C4orf50: variants seen among roughly 807,000 people sequenced by gnomAD.
The protein encoded by C4orf50 is chromosome 4 open reading frame 50.
Under a neutral mutation model 77.2 loss-of-function variants are expected in C4orf50, and 80 were observed. That is an observed-to-expected ratio of 1.04 (90% CI 0.87 to 1.25). The LOEUF is 1.25. C4orf50 is among the 50% of genes most tolerant of loss of function. The pLI is 0.00. For missense variants in C4orf50, 1,257 were observed against 1,152.9 expected (o/e 1.09, Z -1.31); for synonymous variants, 532 against 465.3 (o/e 1.14, Z -1.84).
chr4:5,947,805 C>T (rs1560557288), intron 7 of C4orf50, among the ~76,000 whole-genome samples: 2 of 152,202 alleles, frequency 1.3e-5, no homozygotes, highest in Non-Finnish European at 2.9e-5. Flanking sequence ...CTGGGAGCCC[C>T]TGATAAAATC....
At chr4:5,928,744 C>A (rs576612092) in intron 7 of C4orf50, among the ~76,000 whole-genome samples, 1 of 152,210 alleles carries the variant, frequency 6.6e-6, no homozygotes, top group Admixed American at 6.5e-5. Flanking sequence ...AACAGGGGAA[C>A]CTCCAAATGA....
intron 7 of C4orf50, among the ~76,000 whole-genome samples, chr4:5,942,194 A>G (rs1718296492): frequency 6.6e-6 from 1 of 152,110 alleles, no homozygotes; most frequent in Non-Finnish European, 1.5e-5. Context: ...TACATACACA[A>G]CCCCAGGTAG....
Position 5,970,148 on chromosome 4 carries a change from GAA to G in C4orf50, c.4105-2688_4105-2687del, listed in dbSNP as rs35111334. Reference sequence around the variant, plus strand: ...CAGCGTAGGTCCAGGCAAAACACAGGAAAAAAAAAAAAAGGCCCACTGGGGCT... The same window carrying G: ...CAGCGTAGGTCCAGGCAAAACACAGGAAAAAAAAAAAGGCCCACTGGGGCT... On this transcript the variant is annotated intron_variant, in intron 31 of 33. Coordinates refer to ENST00000531445, the Ensembl canonical transcript of C4orf50. This position sits in a 1 kb window ranked among gnomAD's most constrained non-coding sequence, Gnocchi z 4.3. Among the ~76,000 whole-genome samples, 49 of 143,862 alleles carry G rather than the reference GAA, an allele frequency of 3.4e-4. No homozygotes were observed. The highest frequency in any genetic ancestry group is 3.5e-3 in the Middle Eastern group (1 of 282). The allele number at this position is 143,862 out of a possible 152,430, so 94.4% of individuals were successfully genotyped here. A position where few individuals can be genotyped will look rare whatever the true frequency, so the allele number is the denominator to read the frequency against.
intron 7 of C4orf50, among the ~76,000 whole-genome samples, chr4:5,917,219 C>T (rs1717065851): frequency 6.6e-6 from 1 of 152,166 alleles, no homozygotes; most frequent in South Asian, 2.1e-4. Context: ...TGAGCTCATT[C>T]ACACAGCCCT....
rs73795137 is a variant in C4orf50, at chr4:5,990,210, G to T, written c.1836C>A (p.Ala612=). 10,935 of 1,244,522 alleles carry T rather than the reference G, an allele frequency of 8.8e-3. 49 individuals carry two copies. Among genetic ancestry groups the T allele is most frequent in the Middle Eastern group, 0.017 (54 of 3,224 alleles). 77.1% of individuals were successfully genotyped at this position (1,244,522 alleles called of 1,614,324 possible). Reference sequence around the variant, plus strand: ...GCCAGGACCCAGGGCGGCAGGTGGCGGCCTTAGTCTCTGAAGCCCCATTCT... The same window carrying T: ...GCCAGGACCCAGGGCGGCAGGTGGCTGCCTTAGTCTCTGAAGCCCCATTCT... The change falls in exon 28 of 34, where the codon GCC becomes GCA. Residue 612 remains alanine, a synonymous_variant. Transcript: ENST00000531445.
chr4:6,007,401 C>A lies in C4orf50; in HGVS notation c.963+595G>T, dbSNP rs1381983058. ...TAATTAGTACCCCAGAAGGCTCCCT[C>A]TCCCTCCTGCCCTGTGAGGACCTAG... is the stretch of plus-strand genomic sequence containing the variant. On this transcript the variant is annotated intron_variant, in intron 25 of 33. Coordinates refer to ENST00000531445, the Ensembl canonical transcript of C4orf50. The surrounding 1 kb of genome is among the most constrained non-coding windows in gnomAD (Gnocchi z 4.1). 2.0e-5 allele frequency among the ~76,000 whole-genome samples: 3 copies of A among 152,134 alleles called. No individual in the cohort carries two copies. Among genetic ancestry groups the A allele is most frequent in the African/African-American group, 7.2e-5 (3 of 41,414 alleles).
intron 31 of C4orf50, among the ~76,000 whole-genome samples, chr4:5,969,085 T>C (rs550929835): frequency 6.6e-6 from 1 of 152,180 alleles, no homozygotes; most frequent in African/African-American, 2.4e-5. Context: ...ACGGTACCAA[T>C]ATGTTCTTTG....
At chr4:5,986,214 G>A (rs969048829) in intron 28 of C4orf50, among the ~76,000 whole-genome samples, 13 of 152,090 alleles carry the variant, frequency 8.5e-5, no homozygotes, top group Non-Finnish European at 1.8e-4. Context: ...AAGGGTATGT[G>A]GGATATACTG....
Position 6,011,997 on chromosome 4 carries a change from G to T in C4orf50, c.288-29C>A. 2.5e-6 allele frequency: 1 copy of T among 399,008 alleles called. No homozygotes were observed. Among genetic ancestry groups the T allele is most frequent in the Non-Finnish European group, 4.4e-6 (1 of 226,070 alleles). The allele number at this position is 399,008 out of a possible 1,614,324, so 24.7% of individuals were successfully genotyped here. ...CAGCATGAAAAGCAGGGAGGCACTT[G>T]CTCAGGGTGCAGTCAACATGGCCTA... On this transcript the variant is annotated intron_variant, in intron 23 of 33. Coordinates refer to ENST00000531445, the Ensembl canonical transcript of C4orf50. This position sits in a 1 kb window ranked among gnomAD's most constrained non-coding sequence, Gnocchi z 4.2.
At chr4:5,966,369 G>A (rs950772783) in intron 32 of C4orf50, among the ~76,000 whole-genome samples, 1 of 151,880 alleles carries the variant, frequency 6.6e-6, no homozygotes, top group African/African-American at 2.4e-5. Flanking sequence ...CAGCTACTCG[G>A]GAGGCTGAGG....
intron 26 of C4orf50, 78 bp downstream of exon 4, chr4:5,994,269 T>C (rs1721453819): frequency 2.5e-6 from 1 of 397,868 alleles, no homozygotes; most frequent in Non-Finnish European, 4.4e-6. Flanking sequence ...CATCGGGACA[T>C]GATAAGGAGG....
intron 7 of C4orf50, among the ~76,000 whole-genome samples, chr4:5,942,730 G>A (rs1718317871): frequency 1.3e-5 from 2 of 152,186 alleles, no homozygotes; most frequent in East Asian, 3.9e-4. Flanking sequence ...CACAGCTTGA[G>A]AGACTATTCC....
chr4:5,934,206 G>A (rs1309111446), intron 7 of C4orf50, among the ~76,000 whole-genome samples: 4 of 152,130 alleles, frequency 2.6e-5, no homozygotes, highest in African/African-American at 7.2e-5. Context: ...ATGGTAAGGC[G>A]AGGTGGACAG....
intron 7 of C4orf50, among the ~76,000 whole-genome samples, chr4:5,930,960 C>T (rs750193051): frequency 2.6e-5 from 4 of 152,306 alleles, no homozygotes; most frequent in African/African-American, 4.8e-5. Context: ...GGGACAGTCC[C>T]GGCCAGGAGT....
downstream of C4orf50, among the ~76,000 whole-genome samples, chr4:5,953,682 T>A (rs544078375): frequency 1.3e-4 from 20 of 152,226 alleles, no homozygotes; most frequent in African/African-American, 3.9e-4. Flanking sequence ...GTCCAGCCCC[T>A]CTGGCATTGT....
rs948506037 is a variant in C4orf50 at position 5,958,836 on chromosome 4, G to GA, written c.*538dup. On this transcript the variant is annotated 3_prime_UTR_variant, in exon 34 of 34. Coordinates refer to ENST00000531445, the Ensembl canonical transcript of C4orf50. The surrounding 1 kb of genome is among the most constrained non-coding windows in gnomAD (Gnocchi z 5.4). Reference sequence around the variant, plus strand: ...ACATGGGAAGGACCCCGGGGGCAGAGAAAAAACAAAACAAAACAATTCTCC... The same window carrying GA: ...ACATGGGAAGGACCCCGGGGGCAGAGAAAAAAACAAAACAAAACAATTCTCC... 5 of 152,368 alleles carry GA rather than the reference G, an allele frequency of 3.3e-5. No individual in the cohort carries two copies. In the South Asian group the frequency reaches 6.2e-4, roughly 19 times the overall value. The allele number at this position is 152,368 out of a possible 1,614,324, so 9.4% of individuals were successfully genotyped here.
intron 28 of C4orf50, among the ~76,000 whole-genome samples, chr4:5,981,106 A>G (rs1036102578): frequency 2.0e-5 from 3 of 152,240 alleles, no homozygotes; most frequent in African/African-American, 7.2e-5. Flanking sequence ...ACACATAAAC[A>G]TACATACTAA....
intron 7 of C4orf50, among the ~76,000 whole-genome samples, chr4:5,937,801 T>TA (rs1718093511): frequency 1.3e-5 from 2 of 152,096 alleles, no homozygotes; most frequent in Non-Finnish European, 2.9e-5. Flanking sequence ...TTAAACAAAA[T>TA]AGACTCAAAA....
chr4:6,005,880 G>A (rs772075595), intron 25 of C4orf50, among the ~76,000 whole-genome samples: 5 of 151,884 alleles, frequency 3.3e-5, no homozygotes, highest in South Asian at 2.1e-4. Flanking sequence ...GCAGTTCCCC[G>A]GGGCCACTGG....
Sources: allele counts gnomAD v4.1 joint callset (sites outside exome capture counted in the v4.1 genomes callset), GRCh38; gene constraint gnomAD v4.1.1; non-coding constraint Gnocchi (gnomAD v3.1); transcripts MANE v1.5; gene names NCBI Gene and HGNC (gene_info 2026-07-23, HGNC 2026-07-21).